The following ARSB variants were observed in gnomAD, a reference collection of about 807,000 sequenced individuals.
ARSB encodes the protein arylsulfatase B, also known as N-acetylgalactosamine-4-sulfatase.
ARSB carries 41 observed loss-of-function variants against 50.9 expected under a neutral mutation model. The ratio of observed to expected loss-of-function variants is 0.81; its 90% CI spans 0.63 to 1.04. The LOEUF (loss-of-function observed/expected upper bound fraction) is 1.04, where lower values mean the gene tolerates loss of function less well. Among genes scored for constraint, ARSB ranks in the 50% least tolerant of loss-of-function variants. The pLI is 0.00. For missense variants in ARSB, 672 were observed against 693.3 expected (o/e 0.97, Z 0.35); for synonymous variants, 269 against 284.8 (o/e 0.94, Z 0.56).
At chr5:78,876,760 C>T (rs150224549) in intron 5 of ARSB, among the ~76,000 whole-genome samples, 163 of 152,216 alleles carry the variant, frequency 1.1e-3, no homozygotes, top group African/African-American at 3.8e-3. Context: ...GACTGTGGAC[C>T]GGTACCCATC....
chr5:78,827,886 GA>G (rs1167215417), intron 6 of ARSB, among the ~76,000 whole-genome samples: 2 of 150,270 alleles, frequency 1.3e-5, no homozygotes, highest in Non-Finnish European at 3.0e-5. Flanking sequence ...TTACTTCACT[GA>G]GAGTTTCCGG....
chr5:78,943,925 T>C (rs1254901498), intron 4 of ARSB, among the ~76,000 whole-genome samples: 1 of 152,240 alleles, frequency 6.6e-6, no homozygotes, highest in African/African-American at 2.4e-5. Flanking sequence ...CAATCAGATG[T>C]AGATTTGGTC....
chr5:78,937,284 G>GAT (rs1173086407), intron 4 of ARSB, among the ~76,000 whole-genome samples: 2 of 102,702 alleles, frequency 1.9e-5, no homozygotes. Flanking sequence ...ATATATGTAA[G>GAT]ATATATATAT....
intron 4 of ARSB, among the ~76,000 whole-genome samples, chr5:78,934,587 T>C (rs1404518876): frequency 6.6e-6 from 1 of 152,044 alleles, no homozygotes; most frequent in Non-Finnish European, 1.5e-5. Context: ...GCTAGGAGTT[T>C]GAGACCAGCC....
intron 4 of ARSB, among the ~76,000 whole-genome samples, chr5:78,939,674 T>A (rs1354148146): frequency 1.3e-5 from 2 of 152,224 alleles, no homozygotes; most frequent in African/African-American, 4.8e-5. Context: ...CTTAATCCAG[T>A]CTATCATTGG....
intron 4 of ARSB, among the ~76,000 whole-genome samples, chr5:78,948,598 G>A (rs887825421): frequency 6.6e-6 from 1 of 152,126 alleles, no homozygotes; most frequent in African/African-American, 2.4e-5. Flanking sequence ...ATGGAAAGCA[G>A]AATAATTAAA....
At chr5:78,899,226 C>T (rs1208180963) in intron 4 of ARSB, among the ~76,000 whole-genome samples, 1 of 152,138 alleles carries the variant, frequency 6.6e-6, no homozygotes, top group Non-Finnish European at 1.5e-5. Context: ...CTTTTCTCTG[C>T]TGCTTTTAGG....
intron 4 of ARSB, among the ~76,000 whole-genome samples, chr5:78,941,218 T>C (rs915909878): frequency 9.2e-5 from 14 of 151,570 alleles, no homozygotes; most frequent in African/African-American, 3.4e-4. Context: ...TATACAATCA[T>C]GTCATCTGCA....
At chr5:78,872,829 A>AAG (rs1561475002) in intron 5 of ARSB, among the ~76,000 whole-genome samples, 1 of 148,704 alleles carries the variant, frequency 6.7e-6, no homozygotes, top group African/African-American at 2.4e-5. Context: ...AAAAAAAAAA[A>AAG]AAAAGAAAGG....
intron 5 of ARSB, among the ~76,000 whole-genome samples, chr5:78,864,978 C>T (rs1426320252): frequency 1.3e-5 from 2 of 152,208 alleles, no homozygotes; most frequent in Non-Finnish European, 2.9e-5. Flanking sequence ...TTGCAGGGTA[C>T]AACCTCCCTC....
intron 4 of ARSB, among the ~76,000 whole-genome samples, chr5:78,933,917 G>A (rs879894308): frequency 3.3e-5 from 5 of 152,166 alleles, no homozygotes; most frequent in East Asian, 1.9e-4. Flanking sequence ...CTAGAGTGAC[G>A]AGAGAGAAGA....
rs528667967 is a variant in ARSB, at chr5:78,848,817, C to G, written c.1143-9391G>C. ...GTTTTGATTTGCATTTCTCTGATGGCCAGTAATGATGAGCATTTTTTCACG... is the reference window on the plus strand; with the variant it reads ...GTTTTGATTTGCATTTCTCTGATGGGCAGTAATGATGAGCATTTTTTCACG... On this transcript the variant is annotated intron_variant, in intron 5 of 7. Transcript: ENST00000264914. Among the ~76,000 whole-genome samples, 131 of 152,306 alleles carry G rather than the reference C, an allele frequency of 8.6e-4. 2 individuals carry two copies. Among genetic ancestry groups the G allele is most frequent in the African/African-American group, 3.0e-3 (126 of 41,570 alleles).
chr5:78,825,205 C>T (rs545588619), intron 6 of ARSB, among the ~76,000 whole-genome samples: 2 of 152,238 alleles, frequency 1.3e-5, no homozygotes, highest in South Asian at 2.1e-4. Flanking sequence ...GCCAAACCAT[C>T]AACAATTTGG....
intron 2 of ARSB, among the ~76,000 whole-genome samples, chr5:78,965,180 T>G (rs1752153726): frequency 6.6e-6 from 1 of 152,158 alleles, no homozygotes; most frequent in Non-Finnish European, 1.5e-5. Context: ...AAGTGAGCAC[T>G]GAAATAAGAC....
At chr5:78,817,801 C>T (rs566992851) in intron 6 of ARSB, among the ~76,000 whole-genome samples, 13 of 151,056 alleles carry the variant, frequency 8.6e-5, no homozygotes, top group Admixed American at 3.3e-4. Context: ...AGAGTGACAG[C>T]GAGACTCTGC....
intron 4 of ARSB, among the ~76,000 whole-genome samples, chr5:78,890,147 C>G (rs1297656682): frequency 6.6e-6 from 1 of 151,842 alleles, no homozygotes; most frequent in African/African-American, 2.4e-5. Context: ...TGTCTTAGTA[C>G]ACATCTAAAG....
intron 3 of ARSB, among the ~76,000 whole-genome samples, chr5:78,961,453 C>T (rs1014663537): frequency 2.0e-5 from 3 of 152,178 alleles, no homozygotes; most frequent in Non-Finnish European, 2.9e-5. Flanking sequence ...ATCCTCTCAT[C>T]TGGCAATTTC....
intron 3 of ARSB, among the ~76,000 whole-genome samples, chr5:78,963,921 G>C (rs991122471): frequency 6.6e-6 from 1 of 152,104 alleles, no homozygotes; most frequent in Non-Finnish European, 1.5e-5. Flanking sequence ...ATTCTTGTAG[G>C]GAGGAAGTAC....
intron 4 of ARSB, among the ~76,000 whole-genome samples, chr5:78,938,055 A>T (rs1274188597): frequency 6.6e-6 from 1 of 152,154 alleles, no homozygotes; most frequent in Non-Finnish European, 1.5e-5. Context: ...CTTCCCCACC[A>T]TCCTGGGTTC....
Sources: allele counts gnomAD v4.1 joint callset (sites outside exome capture counted in the v4.1 genomes callset), GRCh38; gene constraint gnomAD v4.1.1; transcripts MANE v1.5; gene names NCBI Gene and HGNC (gene_info 2026-07-23, HGNC 2026-07-21).